Variants in SEMA4F observed in about 807,000 individuals in gnomAD.
SEMA4F encodes the protein semaphorin-4F.
A neutral mutation model predicts 78.4 loss-of-function variants in SEMA4F; 51 were observed. The observed-to-expected ratio is 0.65, with a 90% confidence interval of 0.52 to 0.82. The LOEUF (loss-of-function observed/expected upper bound fraction) is 0.82. Ranked by LOEUF, SEMA4F falls within the 40% of genes least tolerant of loss-of-function variation. The pLI is 0.00. For missense variants in SEMA4F, 938 were observed against 1,014.4 expected (o/e 0.92, Z 1.02); for synonymous variants, 418 against 408.7 (o/e 1.02, Z -0.27).
the SEMA4F span, among the ~76,000 whole-genome samples, chr2:74,698,256 A>G: frequency 8.9e-3 from 1,354 of 152,382 alleles, 33 homozygotes; most frequent in African/African-American, 0.03. Flanking sequence ...TGAAAAAGCT[A>G]GATGCAAGTC....
At chr2:74,690,366 T>C in the SEMA4F span, among the ~76,000 whole-genome samples, 1 of 152,196 alleles carries the variant, frequency 6.6e-6, no homozygotes, top group African/African-American at 2.4e-5. Flanking sequence ...TACTGTCTTA[T>C]TTATTTATTT....
At chr2:74,685,369 G>C (rs972326894), downstream of SEMA4F, among the ~76,000 whole-genome samples, 9 of 152,000 alleles carry the variant, frequency 5.9e-5, no homozygotes, top group African/African-American at 2.2e-4. Context: ...CAGTGTTAAT[G>C]CCACCAGGAT....
chr2:74,701,815 G>C, the SEMA4F span, among the ~76,000 whole-genome samples: 1 of 152,160 alleles, frequency 6.6e-6, no homozygotes, highest in Non-Finnish European at 1.5e-5. Context: ...TTGGATCCCA[G>C]GTCTGGAGTA....
At chr2:74,695,801 G>T in the SEMA4F span, among the ~76,000 whole-genome samples, 1 of 152,184 alleles carries the variant, frequency 6.6e-6, no homozygotes, top group Non-Finnish European at 1.5e-5. Flanking sequence ...GTGAGATGCT[G>T]GGAATTCTCC....
Position 74,665,993 on chromosome 2 carries a change from C to T in SEMA4F, c.550+3168C>T, listed in dbSNP as rs184474704. On this transcript the variant is annotated intron_variant, in intron 5 of 13. Coordinates refer to ENST00000357877, the MANE Select transcript of SEMA4F (RefSeq NM_004263.5). ...CGCCATCTCGGCTCACTGCAACCTTCGTCTCACAGGTTCAAGTGATTGTCC... is the reference window on the plus strand; with the variant it reads ...CGCCATCTCGGCTCACTGCAACCTTTGTCTCACAGGTTCAAGTGATTGTCC... Among the ~76,000 whole-genome samples, 345 of 151,688 alleles carry T rather than the reference C, an allele frequency of 2.3e-3. 2 individuals carry two copies. The highest frequency in any genetic ancestry group is 6.8e-3 in the Middle Eastern group (2 of 294).
At chr2:74,663,199 C>G (rs1228569010) in intron 5 of SEMA4F, among the ~76,000 whole-genome samples, 1 of 152,160 alleles carries the variant, frequency 6.6e-6, no homozygotes, top group Non-Finnish European at 1.5e-5. Flanking sequence ...ACAGCACTTT[C>G]CAAAAGAACT....
At chr2:74,704,829 A>G in the SEMA4F span, among the ~76,000 whole-genome samples, 1 of 151,874 alleles carries the variant, frequency 6.6e-6, no homozygotes, top group South Asian at 2.1e-4. Flanking sequence ...CATAATCCTG[A>G]CCTTCATTTC....
Position 74,680,837 on chromosome 2 carries a change from A to G in SEMA4F, c.*628A>G, listed in dbSNP as rs3771749. On this transcript the variant is annotated 3_prime_UTR_variant, in exon 14 of 14. Transcript: ENST00000357877. ...ATTTATGAGGGATGGGGAGGGAGACAATTGGAATGGGGGCGTTGCCTGCAG... is the reference window on the plus strand; with the variant it reads ...ATTTATGAGGGATGGGGAGGGAGACGATTGGAATGGGGGCGTTGCCTGCAG... 54,279 of 152,100 alleles carry G rather than the reference A, an allele frequency of 0.36. 15,806 individuals carry two copies. The highest frequency in any genetic ancestry group is 0.83 in the East Asian group (4,262 of 5,156). The allele number at this position is 152,100 out of a possible 1,614,324, so 9.4% of individuals were successfully genotyped here.
At chr2:74,654,642 C>T in intron 1 of SEMA4F, 121 bp downstream of exon 1, 6 of 821,688 alleles carry the variant, frequency 7.3e-6, no homozygotes, top group Non-Finnish European at 1.1e-5. Context: ...CGTTTCACGC[C>T]GCCCACGCCC....
Position 74,658,208 on chromosome 2 carries a change from G to T in SEMA4F, c.456+257G>T, listed in dbSNP as rs1452019113. On this transcript the variant is annotated intron_variant, in intron 4 of 13. Coordinates refer to ENST00000357877, the MANE Select transcript of SEMA4F (RefSeq NM_004263.5). The surrounding 1 kb of genome is among the most constrained non-coding windows in gnomAD (Gnocchi z 4.3). ...CAAAGTGTGAAGAGAGACATAGTGGGATAGTTAAGGAAGTTAGGGATGCTG... is the reference window on the plus strand; with the variant it reads ...CAAAGTGTGAAGAGAGACATAGTGGTATAGTTAAGGAAGTTAGGGATGCTG... Among the ~76,000 whole-genome samples, 2 of 152,182 alleles carry T rather than the reference G, an allele frequency of 1.3e-5. No homozygotes were observed. Among genetic ancestry groups the T allele is most frequent in the Non-Finnish European group, 2.9e-5 (2 of 68,046 alleles).
chr2:74,685,044 G>A (rs1189713659), downstream of SEMA4F, among the ~76,000 whole-genome samples: 1 of 152,180 alleles, frequency 6.6e-6, no homozygotes, highest in African/African-American at 2.4e-5. Context: ...TGTCCTCTTT[G>A]TTTCTTTTTT....
At position 74,673,660 on chromosome 2, in the gene SEMA4F, G is replaced by T; in HGVS notation, c.671-17G>T. 1 of 1,613,198 alleles carries T rather than the reference G, an allele frequency of 6.2e-7. No individual in the cohort carries two copies. The highest frequency in any genetic ancestry group is 8.5e-7 in the Non-Finnish European group (1 of 1,179,444). ...TAGGTTGTGTCTGTGAGGATCTGAG[G>T]CCACTGGTATTCCCAGCCCCAGCCT... On this transcript the variant is annotated splice_polypyrimidine_tract_variant and intron_variant, in intron 6 of 13. Coordinates refer to ENST00000357877, the MANE Select transcript of SEMA4F (RefSeq NM_004263.5).
chr2:74,681,275 T>G lies in SEMA4F; in HGVS notation c.*1066T>G, dbSNP rs1685600432. On this transcript the variant is annotated 3_prime_UTR_variant, in exon 14 of 14. Transcript: ENST00000357877. ...AGGAGTCCCCCCTACCTGGGGTCCATGGACTCCCTGAAATTGTATGCAAAA... is the reference window on the plus strand; with the variant it reads ...AGGAGTCCCCCCTACCTGGGGTCCAGGGACTCCCTGAAATTGTATGCAAAA... 4.6e-5 allele frequency: 7 copies of G among 152,762 alleles called. No individual in the cohort carries two copies. The highest frequency in any genetic ancestry group is 1.7e-4 in the African/African-American group (7 of 41,556). The allele number at this position is 152,762 out of a possible 1,614,324, so 9.5% of individuals were successfully genotyped here. A position where few individuals can be genotyped will look rare whatever the true frequency, so the allele number is the denominator to read the frequency against.
intron 4 of SEMA4F, among the ~76,000 whole-genome samples, chr2:74,662,066 C>G (rs1045369295): frequency 6.6e-5 from 10 of 152,084 alleles, no homozygotes; most frequent in Non-Finnish European, 1.5e-4. Context: ...TTGCCCATGT[C>G]AGTCCCTCTG....
chr2:74,657,272 A>G (rs964545400), intron 2 of SEMA4F, among the ~76,000 whole-genome samples: 1 of 152,250 alleles, frequency 6.6e-6, no homozygotes, highest in Non-Finnish European at 1.5e-5. Context: ...TATACTGTGT[A>G]TTGTGGTACA....
intron 4 of SEMA4F, 28 bp downstream of exon 4, chr2:74,657,979 G>A (rs771117218): frequency 6.3e-7 from 1 of 1,594,708 alleles, no homozygotes; most frequent in Non-Finnish European, 8.6e-7. Flanking sequence ...AGGAGAGGGA[G>A]AGGGTGCCTG....
chr2:74,698,381 G>A, the SEMA4F span, among the ~76,000 whole-genome samples: 1 of 152,210 alleles, frequency 6.6e-6, no homozygotes, highest in Non-Finnish European at 1.5e-5. Flanking sequence ...GGATGGGATG[G>A]AGCTGTCATA....
At chr2:74,675,691 T>C in intron 11 of SEMA4F, 57 bp downstream of exon 11, 3 of 1,613,390 alleles carry the variant, frequency 1.9e-6, no homozygotes, top group Non-Finnish European at 2.5e-6. Flanking sequence ...AGAGCCAGTT[T>C]GTGACCCTGA....
Position 74,656,641 on chromosome 2 carries a change from A to G in SEMA4F, c.253A>G (p.Ile85Val). The change falls in exon 2 of 14, where the codon ATC becomes GTC. Residue 85 changes from isoleucine to valine, a missense_variant. Transcript: ENST00000357877. ...HTLYVGARDT[I>V]FALSLPFSGE... ...ACTTTATGTTGGCGCCCGGGACACC[A>G]TCTTCGCTTTATCCCTGCCCTTCTC... 1.9e-6 allele frequency: 3 copies of G among 1,614,176 alleles called. No individual in the cohort carries two copies. Among genetic ancestry groups the G allele is most frequent in the Non-Finnish European group, 2.5e-6 (3 of 1,180,026 alleles).
Sources: allele counts gnomAD v4.1 joint callset (sites outside exome capture counted in the v4.1 genomes callset), GRCh38; gene constraint gnomAD v4.1.1; non-coding constraint Gnocchi (gnomAD v3.1); transcripts MANE v1.5; gene names NCBI Gene and HGNC (gene_info 2026-07-23, HGNC 2026-07-21).